The following RANGAP1 variants were observed in gnomAD, a reference collection of about 807,000 sequenced individuals.
RANGAP1 encodes Ran GTPase activating protein 1, also known as ran GTPase-activating protein 1.
A neutral mutation model predicts 63.5 loss-of-function variants in RANGAP1; 38 were observed. That is an observed-to-expected ratio of 0.60 (90% CI 0.46 to 0.78). RANGAP1 has a LOEUF of 0.78. RANGAP1 is among the 30% of genes least tolerant of loss of function. RANGAP1 has a pLI of 0.00. For missense variants in RANGAP1, 630 were observed against 740.3 expected (o/e 0.85, Z 1.73); for synonymous variants, 329 against 310.5 (o/e 1.06, Z -0.63).
intron 15 of RANGAP1, 27 bp from the exon 16 acceptor site, chr22:41,246,699 C>A: frequency 6.6e-7 from 1 of 1,523,154 alleles, no homozygotes; most frequent in South Asian, 1.2e-5. Context: ...GTCAGCAGGT[C>A]GGTGGATGCC....
intron 5 of RANGAP1, among the ~76,000 whole-genome samples, chr22:41,264,142 G>A (rs1253909490): frequency 6.6e-6 from 1 of 152,190 alleles, no homozygotes; most frequent in African/African-American, 2.4e-5. Context: ...AGAATAATAC[G>A]GCAGGCCGCC....
At position 41,257,974 on chromosome 22, in the gene RANGAP1, C is replaced by T. The variant is rs1343896387; in HGVS notation, c.748G>A (p.Glu250Lys). The change falls in exon 7 of 16, where the codon GAG (glutamate) becomes AAG (lysine). Residue 250 changes from glutamate (E) to lysine (K), a missense_variant. Glu to Lys is a moderately conservative substitution (Grantham distance 56). This residue lies in a region of RANGAP1 where 428 missense variants were observed against 465.5 expected (regional missense o/e 0.92). Transcript: ENST00000356244. This position sits in a 1 kb window ranked among gnomAD's most constrained non-coding sequence, Gnocchi z 4.0. Reference sequence around the variant, plus strand: ...TCGGCCATGGCCACGGCGCCCTTCTCAGTGAAGGTGTTGTCATTCAGGTTG... The same window carrying T: ...TCGGCCATGGCCACGGCGCCCTTCTTAGTGAAGGTGTTGTCATTCAGGTTG... ...VINLNDNTFT[E>K]KGAVAMAETL... 3 of 1,611,830 alleles carry T rather than the reference C, an allele frequency of 1.9e-6. No individual in the cohort carries two copies. Among genetic ancestry groups the T allele is most frequent in the Non-Finnish European group, 2.5e-6 (3 of 1,178,642 alleles).
chr22:41,255,895 A>G, intron 10 of RANGAP1, 126 bp downstream of exon 10: 2 of 927,022 alleles, frequency 2.2e-6, no homozygotes, highest in African/African-American at 1.6e-5. Context: ...TGGAAGCTGC[A>G]GTGAGCCGAG....
At position 41,268,138 on chromosome 22, in the gene RANGAP1, T is replaced by C. The variant is rs1443713927; in HGVS notation, c.259A>G (p.Met87Val). 6.4e-7 allele frequency: 1 copy of C among 1,556,464 alleles called. No homozygotes were observed. The highest frequency in any genetic ancestry group is 8.7e-7 in the Non-Finnish European group (1 of 1,149,210). ...SELKRCHWSD[M>V]FTGRLRTEIP... ...TCGGTCCGCAGCCTTCCCGTGAACA[T>C]GTCACTCCAGTGGCAGCGCTGCAAC... Residue 87 changes from methionine (M) to valine (V), a missense_variant, in exon 4 of 16, where the codon ATG (methionine) becomes GTG (valine). Physicochemically the swap from Met to Val is conservative, Grantham distance 21. Transcript: ENST00000356244.
the RANGAP1 span, among the ~76,000 whole-genome samples, chr22:41,294,075 C>T: frequency 1.3e-5 from 2 of 152,182 alleles, no homozygotes; most frequent in East Asian, 1.9e-4. Flanking sequence ...CTCTCCCTCT[C>T]TTTCCAAGGT....
At chr22:41,248,918 T>A (rs955453353) in intron 15 of RANGAP1, among the ~76,000 whole-genome samples, 3 of 152,206 alleles carry the variant, frequency 2.0e-5, no homozygotes, top group African/African-American at 7.2e-5. Context: ...TGGCCTGCGC[T>A]GCTGTGAATG....
intron 4 of RANGAP1, among the ~76,000 whole-genome samples, chr22:41,267,332 C>T (rs1018504901): frequency 4.6e-5 from 7 of 152,036 alleles, no homozygotes; most frequent in African/African-American, 1.7e-4. Flanking sequence ...GAGCAAGACC[C>T]TGTCTTTAAA....
the RANGAP1 span, among the ~76,000 whole-genome samples, chr22:41,298,313 T>TTTG: frequency 2.7e-5 from 4 of 150,786 alleles, no homozygotes; most frequent in African/African-American, 7.3e-5. Context: ...ACCTGGCTAA[T>TTTG]TTGTTGTTGT....
At chr22:41,261,141 C>T (rs2145740319) in intron 6 of RANGAP1, among the ~76,000 whole-genome samples, 1 of 152,360 alleles carries the variant, frequency 6.6e-6, no homozygotes, top group South Asian at 2.1e-4. Flanking sequence ...TCTCACTTCA[C>T]CACTTCTGAG....
chr22:41,246,527 G>T lies in RANGAP1; in HGVS notation c.*76C>A. On this transcript the variant is annotated 3_prime_UTR_variant, in exon 16 of 16. Coordinates refer to ENST00000356244, the MANE Select transcript of RANGAP1 (RefSeq NM_002883.4). ...CCAGAGTCCTGTCCAAGGCAATGGC[G>T]TAGGCTGCGCCTCAGTTCATCCGAG... The T allele has an allele frequency of 2.1e-6, 3 of 1,436,788 alleles. No individual in the cohort carries two copies. The South Asian group carries it at 3.7e-5, about 18-fold the overall frequency. The allele number at this position is 1,436,788 out of a possible 1,614,324, so 89.0% of individuals were successfully genotyped here.
At chr22:41,288,587 T>C (rs1252631896), upstream of RANGAP1, among the ~76,000 whole-genome samples, 1 of 152,190 alleles carries the variant, frequency 6.6e-6, no homozygotes, top group African/African-American at 2.4e-5. Context: ...CCAATTTTAC[T>C]TCTTGAGACT....
At chr22:41,275,392 T>A (rs1218429366) in intron 2 of RANGAP1, among the ~76,000 whole-genome samples, 1 of 151,876 alleles carries the variant, frequency 6.6e-6, no homozygotes, top group Non-Finnish European at 1.5e-5. Context: ...CTCGGGAGGC[T>A]GAGGCAGGAG....
Position 41,256,124 on chromosome 22 carries a change from G to A in RANGAP1, c.989-19C>T, listed in dbSNP as rs1191791412. On this transcript the variant is annotated intron_variant, in intron 9 of 15. Coordinates refer to ENST00000356244, the MANE Select transcript of RANGAP1 (RefSeq NM_002883.4). ...GTGTTGCCTGCTCAAGGGGAGGGAAGAGCAGTCAGCCGGGGTGCCAGGGCC... is the reference window on the plus strand; with the variant it reads ...GTGTTGCCTGCTCAAGGGGAGGGAAAAGCAGTCAGCCGGGGTGCCAGGGCC... The A allele has an allele frequency of 1.2e-6, 2 of 1,614,096 alleles. No individual in the cohort carries two copies. The highest frequency in any genetic ancestry group is 8.5e-7 in the Non-Finnish European group (1 of 1,179,982).
upstream of RANGAP1, among the ~76,000 whole-genome samples, chr22:41,287,390 T>G (rs943164476): frequency 2.0e-5 from 3 of 151,674 alleles, no homozygotes; most frequent in African/African-American, 4.8e-5. Context: ...TTGTTTTTTT[T>G]TTTTGAGATG....
intron 10 of RANGAP1, 68 bp from the exon 11 acceptor site, chr22:41,254,562 TC>T: frequency 6.6e-7 from 1 of 1,510,302 alleles, no homozygotes; most frequent in Non-Finnish European, 8.8e-7. Context: ...AAGGCCTGGC[TC>T]CATGAGCCCA....
chr22:41,288,409 G>T (rs1435193753), upstream of RANGAP1, among the ~76,000 whole-genome samples: 1 of 152,180 alleles, frequency 6.6e-6, no homozygotes, highest in African/African-American at 2.4e-5. Flanking sequence ...TCTGGGCCTG[G>T]CCTGTCATAG....
chr22:41,249,620 G>A (rs1198464494), intron 14 of RANGAP1, 109 bp downstream of exon 14: 25 of 1,526,148 alleles, frequency 1.6e-5, no homozygotes, highest in East Asian at 2.3e-5. Context: ...CCCCGTGGGC[G>A]AGCCGGCTCA....
chr22:41,295,548 G>C, the RANGAP1 span, among the ~76,000 whole-genome samples: 5 of 150,838 alleles, frequency 3.3e-5, no homozygotes, highest in Non-Finnish European at 7.4e-5. Context: ...AGTACCCAGG[G>C]ACACAAACAC....
chr22:41,260,129 A>C (rs139515), intron 6 of RANGAP1, among the ~76,000 whole-genome samples: 1 of 151,944 alleles, frequency 6.6e-6, no homozygotes, highest in Non-Finnish European at 1.5e-5. Context: ...GTCACACTAC[A>C]TATTTTAGCT....
Sources: allele counts gnomAD v4.1 joint callset (sites outside exome capture counted in the v4.1 genomes callset), GRCh38; gene constraint gnomAD v4.1.1; regional missense constraint gnomAD v4.1.1; non-coding constraint Gnocchi (gnomAD v3.1); transcripts MANE v1.5; gene names NCBI Gene and HGNC (gene_info 2026-07-23, HGNC 2026-07-21).